The following COMMD1 variants were observed in gnomAD, a reference collection of about 807,000 sequenced individuals.
COMMD1 encodes COMM domain-containing protein 1.
In COMMD1, 10 loss-of-function variants were observed where a neutral mutation model predicts 17.2. That is an observed-to-expected ratio of 0.58 (90% CI 0.36 to 0.99). The LOEUF (loss-of-function observed/expected upper bound fraction) is 0.99. Ranked by LOEUF, COMMD1 falls within the 50% of genes least tolerant of loss-of-function variation. COMMD1 has a pLI of 0.01. For missense variants in COMMD1, 270 were observed against 231.8 expected, an observed-to-expected ratio of 1.17 and a Z score of -1.07; for synonymous variants, 97 against 91.6, an observed-to-expected ratio of 1.06 and a Z score of -0.34.
intron 1 of COMMD1, among the ~76,000 whole-genome samples, chr2:61,938,290 A>AT (rs1180583515): frequency 1.3e-5 from 2 of 152,078 alleles, no homozygotes; most frequent in Middle Eastern, 3.4e-3. Flanking sequence ...CAAAAAAAAA[A>AT]AAAAATGGTG....
intron 1 of COMMD1, among the ~76,000 whole-genome samples, chr2:61,911,621 A>G (rs1217924407): frequency 6.6e-6 from 1 of 152,198 alleles, no homozygotes; most frequent in Non-Finnish European, 1.5e-5. Context: ...GGCATGAGCC[A>G]TCCTGCCTAG....
chr2:61,954,735 GC>G (rs1412781946), intron 1 of COMMD1, among the ~76,000 whole-genome samples: 1 of 151,902 alleles, frequency 6.6e-6, no homozygotes, highest in East Asian at 1.9e-4. Flanking sequence ...AGGCTAGAGT[GC>G]AATGGCACGA....
At chr2:61,990,326 T>C (rs907959356) in intron 1 of COMMD1, among the ~76,000 whole-genome samples, 1 of 152,348 alleles carries the variant, frequency 6.6e-6, no homozygotes, top group Middle Eastern at 3.4e-3. Flanking sequence ...GAAGTTCTTA[T>C]AGATTTTTTT....
At chr2:61,927,456 G>A (rs905024126) in intron 1 of COMMD1, among the ~76,000 whole-genome samples, 4 of 147,826 alleles carry the variant, frequency 2.7e-5, no homozygotes, top group Admixed American at 6.7e-5. Flanking sequence ...GCAGTGGCGC[G>A]ATGTCAGCTC....
intron 2 of COMMD1, among the ~76,000 whole-genome samples, chr2:62,012,198 A>C (rs961485986): frequency 6.6e-6 from 1 of 151,330 alleles, no homozygotes; most frequent in African/African-American, 2.4e-5. Context: ...CGGAGGTTGC[A>C]GTGAGCCAAG....
intron 2 of COMMD1, among the ~76,000 whole-genome samples, chr2:62,040,527 A>G (rs536917896): frequency 3.9e-5 from 6 of 152,198 alleles, no homozygotes; most frequent in South Asian, 2.1e-4. Context: ...AATTAGACAT[A>G]ATATCCCTAA....
chr2:62,047,613 C>T (rs1670416483), intron 2 of COMMD1, among the ~76,000 whole-genome samples: 1 of 152,042 alleles, frequency 6.6e-6, no homozygotes, highest in African/African-American at 2.4e-5. Context: ...TGCCACCACA[C>T]TGGGCTAATT....
chr2:62,087,350 A>G (rs533940231), intron 2 of COMMD1, among the ~76,000 whole-genome samples: 1 of 152,362 alleles, frequency 6.6e-6, no homozygotes, highest in African/African-American at 2.4e-5. Flanking sequence ...GGTAGATAAC[A>G]AATCCTCATA....
chr2:61,962,799 C>A (rs1208803563), intron 1 of COMMD1, among the ~76,000 whole-genome samples: 1 of 152,142 alleles, frequency 6.6e-6, no homozygotes, highest in Non-Finnish European at 1.5e-5. Context: ...ATTTGGGCCC[C>A]TCCCAGACCT....
chr2:61,960,313 A>G (rs551117719), intron 1 of COMMD1, among the ~76,000 whole-genome samples: 17 of 152,356 alleles, frequency 1.1e-4, no homozygotes, highest in Non-Finnish European at 5.9e-5. Context: ...TGGAAGGAGC[A>G]GTCTTTCTGA....
intron 1 of COMMD1, among the ~76,000 whole-genome samples, chr2:61,934,061 G>A (rs372045725): frequency 1.3e-5 from 2 of 152,064 alleles, no homozygotes; most frequent in South Asian, 2.1e-4. Flanking sequence ...CACTACGCCC[G>A]GCCTTTCTTT....
intron 1 of COMMD1, among the ~76,000 whole-genome samples, chr2:61,947,879 C>A (rs1443766312): frequency 7.0e-6 from 1 of 142,606 alleles, no homozygotes. Flanking sequence ...TTATGAAACA[C>A]AATTGTTGAA....
chr2:62,025,552 A>G (rs1177666233), intron 2 of COMMD1, among the ~76,000 whole-genome samples: 2 of 152,134 alleles, frequency 1.3e-5, no homozygotes, highest in Non-Finnish European at 2.9e-5. Flanking sequence ...AAACAAAATC[A>G]AACAAACTCA....
chr2:61,939,748 T>A (rs1361657938), intron 1 of COMMD1, among the ~76,000 whole-genome samples: 1 of 152,066 alleles, frequency 6.6e-6, no homozygotes, highest in East Asian at 1.9e-4. Context: ...ATAAAAAAAA[T>A]TTTTTGGACC....
chr2:62,103,872 G>A (rs1558601228), intron 2 of COMMD1, among the ~76,000 whole-genome samples: 1 of 151,856 alleles, frequency 6.6e-6, no homozygotes, highest in Non-Finnish European at 1.5e-5. Flanking sequence ...ACAGGGTCTG[G>A]CTCTCTCACC....
At chr2:61,914,713 C>T (rs1329044360) in intron 1 of COMMD1, among the ~76,000 whole-genome samples, 2 of 151,832 alleles carry the variant, frequency 1.3e-5, no homozygotes, top group Non-Finnish European at 2.9e-5. Context: ...TTTTTTGAAA[C>T]AGAGTCTCAC....
At chr2:62,032,396 C>G (rs566874764) in intron 2 of COMMD1, among the ~76,000 whole-genome samples, 1 of 152,096 alleles carries the variant, frequency 6.6e-6, no homozygotes, top group Non-Finnish European at 1.5e-5. Flanking sequence ...ATTAGCCAAG[C>G]GTGGTGGCAT....
intron 2 of COMMD1, among the ~76,000 whole-genome samples, chr2:62,032,049 AT>A (rs1271138108): frequency 6.6e-6 from 1 of 152,178 alleles, no homozygotes; most frequent in Non-Finnish European, 1.5e-5. Flanking sequence ...CATACAATTT[AT>A]TATTTCCCTA....
intron 1 of COMMD1, among the ~76,000 whole-genome samples, chr2:61,978,999 CAATTA>C (rs970196858): frequency 2.0e-5 from 3 of 152,052 alleles, no homozygotes; most frequent in Admixed American, 1.3e-4. Context: ...GTAAAATATA[CAATTA>C]AATTATTACT....
Sources: gnomAD v4.1 joint callset for allele counts (sites outside exome capture counted in the v4.1 genomes callset) on GRCh38, gnomAD v4.1.1 for gene constraint, MANE v1.5 for transcripts, NCBI Gene and HGNC (gene_info 2026-07-23, HGNC 2026-07-21) for gene names.